RYR3: variants seen among roughly 807,000 people sequenced by gnomAD.
The protein encoded by RYR3 is brain ryanodine receptor-calcium release channel.
Under a neutral mutation model 584.3 loss-of-function variants are expected in RYR3, and 207 were observed. That is an observed-to-expected ratio of 0.35 (90% CI 0.32 to 0.40). The LOEUF (loss-of-function observed/expected upper bound fraction) is 0.40. Among genes scored for constraint, RYR3 ranks in the 10% least tolerant of loss-of-function variants. The probability of loss-of-function intolerance (pLI) is 1.00; values close to 1 mark genes in which losing one functional copy is unlikely to be tolerated. For synonymous variants in RYR3, 2,416 were observed against 2,248.5 expected, an observed-to-expected ratio of 1.07 and a Z score of -2.11; for missense variants, 5,616 against 6,089.2, an observed-to-expected ratio of 0.92 and a Z score of 2.59.
chr15:33,512,241 G>A (rs2053099271), intron 3 of RYR3, among the ~76,000 whole-genome samples: 1 of 152,146 alleles, frequency 6.6e-6, no homozygotes. Flanking sequence ...CTCCAGCTCT[G>A]CTATTCCATG....
chr15:33,599,095 C>G (rs555337177), intron 16 of RYR3, among the ~76,000 whole-genome samples: 1 of 152,088 alleles, frequency 6.6e-6, no homozygotes, highest in South Asian at 2.1e-4. Flanking sequence ...GACTTTAGAT[C>G]TCAACCTGAA....
At position 33,649,052 on chromosome 15, in the gene RYR3, C is replaced by T. The variant is rs770428250; in HGVS notation, c.3979-20C>T. On this transcript the variant is annotated intron_variant, in intron 30 of 103. Coordinates refer to ENST00000634891, the MANE Select transcript of RYR3 (RefSeq NM_001036.6). Reference sequence around the variant, plus strand: ...ATGGGGGCTGGGGGCCATTGACTCCCCTCTGCGGTCTCTCCACAGCAGTGC... The same window carrying T: ...ATGGGGGCTGGGGGCCATTGACTCCTCTCTGCGGTCTCTCCACAGCAGTGC... 1 of 1,598,390 alleles carries T rather than the reference C, an allele frequency of 6.3e-7. No individual in the cohort carries two copies. The highest frequency in any genetic ancestry group is 8.6e-7 in the Non-Finnish European group (1 of 1,168,778).
intron 60 of RYR3, among the ~76,000 whole-genome samples, chr15:33,766,760 G>A (rs936576060): frequency 4.6e-5 from 7 of 152,290 alleles, no homozygotes; most frequent in East Asian, 1.9e-4. Flanking sequence ...TGCAATCTTC[G>A]CCCTTGCGCC....
chr15:33,705,003 A>G (rs930940718), intron 42 of RYR3, among the ~76,000 whole-genome samples: 5 of 152,104 alleles, frequency 3.3e-5, no homozygotes, highest in African/African-American at 9.7e-5. Context: ...TCTTCCTTCT[A>G]TTGATCACGC....
chr15:33,807,283 G>A (rs576623619), intron 69 of RYR3, among the ~76,000 whole-genome samples: 3 of 152,256 alleles, frequency 2.0e-5, no homozygotes, highest in South Asian at 2.1e-4. Context: ...AGCCTGGGTC[G>A]GGTCTGAGTG....
At chr15:33,372,513 C>T (rs929877220) in intron 1 of RYR3, among the ~76,000 whole-genome samples, 40 of 151,998 alleles carry the variant, frequency 2.6e-4, no homozygotes, top group Admixed American at 1.9e-3. Flanking sequence ...TACAGGCGCC[C>T]GCCACCACGC....
intron 1 of RYR3, among the ~76,000 whole-genome samples, chr15:33,374,205 A>G (rs1463966481): frequency 1.3e-5 from 2 of 152,226 alleles, no homozygotes; most frequent in African/African-American, 4.8e-5. Context: ...CAGACTCTCC[A>G]TCTTCAGCCT....
chr15:33,566,896 G>A, intron 12 of RYR3, 97 bp downstream of exon 12: 1 of 1,345,778 alleles, frequency 7.4e-7, no homozygotes, highest in Non-Finnish European at 1.1e-6. Context: ...ATGTTTTCAG[G>A]AAATAATGAT....
At chr15:33,666,361 T>C (rs1409053665) in intron 36 of RYR3, among the ~76,000 whole-genome samples, 1 of 152,180 alleles carries the variant, frequency 6.6e-6, no homozygotes, top group Non-Finnish European at 1.5e-5. Flanking sequence ...TTTTGCATTT[T>C]TAGCAAGTTT....
chr15:33,406,208 G>A (rs1057318772), intron 1 of RYR3, among the ~76,000 whole-genome samples: 1 of 152,154 alleles, frequency 6.6e-6, no homozygotes, highest in African/African-American at 2.4e-5. Flanking sequence ...CATGGAAATA[G>A]GAATCCCATT....
chr15:33,746,534 C>T (rs985414208), intron 53 of RYR3, among the ~76,000 whole-genome samples: 11 of 152,090 alleles, frequency 7.2e-5, no homozygotes, highest in Non-Finnish European at 1.3e-4. Flanking sequence ...TGTGGTGGCT[C>T]ATGCCTGTAA....
intron 42 of RYR3, among the ~76,000 whole-genome samples, chr15:33,706,138 T>TA (rs956183123): frequency 1.1e-3 from 163 of 148,330 alleles, no homozygotes; most frequent in African/African-American, 2.5e-3. Context: ...AGCTATCTTA[T>TA]AAAAAAAAAA....
At chr15:33,345,103 CT>C (rs1035819143) in intron 1 of RYR3, among the ~76,000 whole-genome samples, 1 of 151,508 alleles carries the variant, frequency 6.6e-6, no homozygotes, top group African/African-American at 2.4e-5. Flanking sequence ...TTTTCTTTTT[CT>C]TTTTTTTGCA....
chr15:33,317,858 G>A (rs1968414013), intron 1 of RYR3, among the ~76,000 whole-genome samples: 1 of 152,130 alleles, frequency 6.6e-6, no homozygotes, highest in African/African-American at 2.4e-5. Context: ...AGCTTTACAA[G>A]GAGGAGGCAT....
At chr15:33,854,658 C>G in intron 97 of RYR3, 108 bp from the exon 98 acceptor site, 2 of 1,426,096 alleles carry the variant, frequency 1.4e-6, no homozygotes, top group South Asian at 1.4e-5. Flanking sequence ...ACCTCAGCAC[C>G]TAAACCCCCT....
At chr15:33,442,468 A>C (rs1389969444) in intron 1 of RYR3, among the ~76,000 whole-genome samples, 1 of 152,196 alleles carries the variant, frequency 6.6e-6, no homozygotes, top group Non-Finnish European at 1.5e-5. Flanking sequence ...AAAAGAAACA[A>C]CTTCAGAGAA....
chr15:33,350,460 T>C (rs1973092973), intron 1 of RYR3, among the ~76,000 whole-genome samples: 1 of 151,020 alleles, frequency 6.6e-6, no homozygotes, highest in East Asian at 2.0e-4. Context: ...AATATACATT[T>C]TTTTCAGCAC....
intron 1 of RYR3, among the ~76,000 whole-genome samples, chr15:33,423,817 T>C (rs957175041): frequency 6.6e-6 from 1 of 152,242 alleles, no homozygotes; most frequent in Admixed American, 6.5e-5. Flanking sequence ...GTTCCTATTT[T>C]TGCCATAGAA....
chr15:33,844,985 G>C lies in RYR3; in HGVS notation c.13420G>C (p.Ala4474Pro). The C allele has an allele frequency of 7.4e-6, 12 of 1,613,968 alleles. No homozygotes were observed. Among genetic ancestry groups the C allele is most frequent in the Non-Finnish European group, 1.0e-5 (12 of 1,179,886 alleles). The change falls in exon 93 of 104, where the codon GCA becomes CCA. Residue 4474 changes from alanine (A) to proline (P), a missense_variant. By Grantham distance (27) the Ala-to-Pro change is conservative (BLOSUM62 -1). Transcript: ENST00000634891. The stretch of plus-strand genomic sequence containing the variant: ...CCTTCAGGAGAGCACCGGGTATATG[G>C]CACCAACCCTGCGTGCCCTGGCCAT... ...FVLQESTGYM[A>P]PTLRALAIIH...
Sources: gnomAD v4.1 joint callset for allele counts (sites outside exome capture counted in the v4.1 genomes callset) on GRCh38, gnomAD v4.1.1 for gene constraint, MANE v1.5 for transcripts, NCBI Gene and HGNC (gene_info 2026-07-23, HGNC 2026-07-21) for gene names.